Variants in MED16 observed in about 807,000 individuals in gnomAD.
The protein encoded by MED16 is mediator complex subunit 16, also known as mediator of RNA polymerase II transcription subunit 16.
MED16 carries 81 observed loss-of-function variants against 84.4 expected under a neutral mutation model. That is an observed-to-expected ratio of 0.96 (90% CI 0.80 to 1.15). The LOEUF (loss-of-function observed/expected upper bound fraction) is 1.15. Ranked by LOEUF, MED16 falls within the 50% of genes most tolerant of loss-of-function variation. The pLI, the probability that MED16 is intolerant of heterozygous loss-of-function variation, is 0.00. For missense variants in MED16, 1,585 were observed against 1,245.9 expected, an observed-to-expected ratio of 1.27 and a Z score of -4.10; for synonymous variants, 897 against 552.2, an observed-to-expected ratio of 1.62 and a Z score of -8.76.
intron 6 of MED16, among the ~76,000 whole-genome samples, chr19:884,116 G>T (rs538515272): frequency 6.6e-6 from 1 of 152,086 alleles, no homozygotes; most frequent in Non-Finnish European, 1.5e-5. Context: ...GTGCCCCCAC[G>T]TCTGGCCACT....
At chr19:878,670 A>G in intron 8 of MED16, among the ~76,000 whole-genome samples, 1 of 123,896 alleles carries the variant, frequency 8.1e-6, no homozygotes. Flanking sequence ...CCTGGTTGTC[A>G]ATGCCCAACA....
rs1223527403 is a variant in MED16, at chr19:890,429, A to C, written c.170-185T>G. On this transcript the variant is annotated intron_variant, in intron 2 of 15. Transcript: ENST00000325464. ...CCCGCAGGAACAGAGCAGGCCTGTG[A>C]GGCGCCACAACTGTGTCTTTAAAAC... 1.2e-5 allele frequency: 6 copies of C among 502,028 alleles called. No individual in the cohort carries two copies. In the South Asian group the frequency reaches 2.0e-4, roughly 16 times the overall value. The allele number at this position is 502,028 out of a possible 1,614,324, so 31.1% of individuals were successfully genotyped here.
chr19:880,269 G>T (rs1403646254), intron 7 of MED16, 121 bp from the exon 8 acceptor site: 1 of 869,224 alleles, frequency 1.2e-6, no homozygotes. Context: ...GTCAGCCCCC[G>T]CCAATCGGCA....
rs941338510 is a variant in MED16, at chr19:884,796, C to T, written c.985+107G>A. On this transcript the variant is annotated intron_variant, in intron 6 of 15. Transcript: ENST00000325464. ...TCGAGGCGAGACGATCGCTTAGGGC[C>T]GGGGTTCAGGACCACCCTGGGTGAC... is the stretch of plus-strand genomic sequence containing the variant. 117 of 821,490 alleles carry T rather than the reference C, an allele frequency of 1.4e-4. No individual in the cohort carries two copies. In the Admixed American group the frequency reaches 2.1e-3, roughly 15 times the overall value. 50.9% of individuals were successfully genotyped at this position (821,490 alleles called of 1,614,324 possible). A position where few individuals can be genotyped will look rare whatever the true frequency, so the allele number is the denominator to read the frequency against.
chr19:884,520 T>C (rs1394753267), intron 6 of MED16, among the ~76,000 whole-genome samples: 1 of 152,036 alleles, frequency 6.6e-6, no homozygotes, highest in Admixed American at 6.6e-5. Context: ...GCACCGCCCC[T>C]GCCCGGTCTG....
At position 868,889 on chromosome 19, in the gene MED16, G is replaced by A. The variant is rs1213490315; in HGVS notation, c.2373C>T (p.Pro791=). ...HLRRLHLGAC[P]TEECKACTRC... ...TGGTGCAGGCCTTGCATTCCTCCGT[G>A]GGGCAAGCGCCAAGGTGCAGCCTCC... The change falls in exon 14 of 16, where the codon CCC becomes CCT. Residue 791 remains proline (P), a synonymous_variant. Coordinates refer to ENST00000325464, the MANE Select transcript of MED16 (RefSeq NM_005481.3). The A allele has an allele frequency of 1.3e-6, 2 of 1,551,912 alleles. No individual in the cohort carries two copies. The highest frequency in any genetic ancestry group is 2.0e-5 in the Admixed American group (1 of 50,718).
chr19:886,757 CTT>C (rs1429308604), intron 4 of MED16, among the ~76,000 whole-genome samples: 3 of 152,232 alleles, frequency 2.0e-5, no homozygotes, highest in Non-Finnish European at 4.4e-5. Context: ...AACATCCACC[CTT>C]CTTTCAACGT....
intron 4 of MED16, 103 bp downstream of exon 4, chr19:889,535 A>G (rs1022876169): frequency 1.6e-5 from 23 of 1,442,070 alleles, no homozygotes; most frequent in Non-Finnish European, 2.1e-5. Flanking sequence ...GCAAGGTCCA[A>G]AAAACCAGGG....
chr19:881,680 C>T lies in MED16; in HGVS notation c.1020G>A (p.Arg340=). 6.2e-7 allele frequency: 1 copy of T among 1,612,088 alleles called. No homozygotes were observed. ...CCAGATCGTTGGTGGCCGATAGGAT[C>T]CGCCATTTGAGAATTGTGGGCTGTT... ...GDKQPTILKW[R]ILSATNDLDR... is the part of the protein sequence containing the mutation. The change falls in exon 7 of 16, where the codon CGG becomes CGA. Residue 340 remains arginine (R), a synonymous_variant. Transcript: ENST00000325464.
At chr19:871,747 T>G in intron 12 of MED16, 179 bp downstream of exon 12, 1 of 575,872 alleles carries the variant, frequency 1.7e-6, no homozygotes, top group Non-Finnish European at 2.7e-6. Flanking sequence ...AGGACTTGTG[T>G]TTTGGTAGGG....
chr19:868,682 A>T (rs2035974895), intron 14 of MED16, among the ~76,000 whole-genome samples, 181 bp downstream of exon 14: 2 of 152,140 alleles, frequency 1.3e-5, no homozygotes, highest in Admixed American at 1.3e-4. Context: ...CTGCTCCCTG[A>T]ACTAGCCCCG....
At chr19:873,971 TGGCGGCG>T (rs1358495575) in intron 10 of MED16, among the ~76,000 whole-genome samples, 1 of 152,098 alleles carries the variant, frequency 6.6e-6, no homozygotes, top group Non-Finnish European at 1.5e-5. Flanking sequence ...GGCTGGCAGC[TGGCGGCG>T]GTTACACACC....
rs1188284425 is a variant in MED16, at chr19:875,434, C to A, written c.1581G>T (p.Leu527=). The A allele has an allele frequency of 1.2e-6, 2 of 1,603,600 alleles. No homozygotes were observed. The highest frequency in any genetic ancestry group is 8.5e-7 in the Non-Finnish European group (1 of 1,179,610). ...ALQQVLSTRI[L]AMKASLCKLS... The stretch of plus-strand genomic sequence containing the variant: ...GCTTGCAGAGCGAGGCCTTCATGGC[C>A]AGGATCCGGGTGGAGAGGACCTGAG... The change falls in exon 10 of 16, where the codon CTG becomes CTT. Residue 527 remains leucine, a synonymous_variant. Coordinates refer to ENST00000325464, the MANE Select transcript of MED16 (RefSeq NM_005481.3).
At chr19:880,507 G>A (rs2036397909) in intron 7 of MED16, among the ~76,000 whole-genome samples, 1 of 152,194 alleles carries the variant, frequency 6.6e-6, no homozygotes, top group Non-Finnish European at 1.5e-5. Flanking sequence ...GGCATCTTAG[G>A]GTGGTGGGCT....
chr19:874,604 G>A (rs2036184800), intron 10 of MED16, among the ~76,000 whole-genome samples: 1 of 152,196 alleles, frequency 6.6e-6, no homozygotes, highest in African/African-American at 2.4e-5. Context: ...CCGGGTGCCG[G>A]GTGTCGGCCT....
chr19:873,907 G>A (rs557055590), intron 10 of MED16, among the ~76,000 whole-genome samples: 2 of 152,290 alleles, frequency 1.3e-5, no homozygotes, highest in Admixed American at 6.5e-5. Flanking sequence ...CTGCTCCGAG[G>A]TGAACTCTGT....
chr19:880,912 G>C (rs1365590762), intron 7 of MED16, among the ~76,000 whole-genome samples: 1 of 149,512 alleles, frequency 6.7e-6, no homozygotes, highest in Admixed American at 6.7e-5. Flanking sequence ...GCAACAGAAT[G>C]AGACTCCAAC....
chr19:873,345 G>C, intron 11 of MED16, 104 bp downstream of exon 11: 1 of 947,948 alleles, frequency 1.1e-6, no homozygotes, highest in Non-Finnish European at 1.5e-6. Flanking sequence ...CTCCAACTAG[G>C]GGCGGGGCTG....
intron 5 of MED16, 86 bp downstream of exon 5, chr19:885,684 C>T (rs2036510901): frequency 6.8e-7 from 1 of 1,480,568 alleles, no homozygotes; most frequent in Non-Finnish European, 9.1e-7. Flanking sequence ...CCGTGGAGGC[C>T]CGCGCGGGTC....
Sources: gnomAD v4.1 joint callset for allele counts (sites outside exome capture counted in the v4.1 genomes callset) on GRCh38, gnomAD v4.1.1 for gene constraint, MANE v1.5 for transcripts, NCBI Gene and HGNC (gene_info 2026-07-23, HGNC 2026-07-21) for gene names.